The following KHDRBS2 variants were observed in gnomAD, a reference collection of about 807,000 sequenced individuals.
KHDRBS2 encodes KH RNA binding domain containing, signal transduction associated 2, also known as KH domain-containing, RNA-binding, signal transduction-associated protein 2.
A neutral mutation model predicts 44.3 loss-of-function variants in KHDRBS2; 26 were observed. That is an observed-to-expected ratio of 0.59 (90% confidence interval 0.43 to 0.81). KHDRBS2 has a LOEUF of 0.81. Ranked by LOEUF, KHDRBS2 falls within the 40% of genes least tolerant of loss-of-function variation. The pLI, the probability that KHDRBS2 is intolerant of heterozygous loss-of-function variation, is 0.00. For missense variants in KHDRBS2, 476 were observed against 433.1 expected, an observed-to-expected ratio of 1.10 and a Z score of -0.88; for synonymous variants, 194 against 151.1, an observed-to-expected ratio of 1.28 and a Z score of -2.08.
At chr6:61,929,819 A>T (rs1305563625) in intron 4 of KHDRBS2, among the ~76,000 whole-genome samples, 1 of 152,230 alleles carries the variant, frequency 6.6e-6, no homozygotes, top group Admixed American at 6.5e-5. Flanking sequence ...CAAAATTGTT[A>T]GATGAAGTTG....
At chr6:61,632,683 T>C in the KHDRBS2 span, among the ~76,000 whole-genome samples, 4 of 152,126 alleles carry the variant, frequency 2.6e-5, no homozygotes, top group Non-Finnish European at 5.9e-5. Context: ...TGAAGATGGT[T>C]AATTTTCATT....
At chr6:62,085,293 G>A (rs1397541332) in intron 2 of KHDRBS2, among the ~76,000 whole-genome samples, 7 of 152,050 alleles carry the variant, frequency 4.6e-5, no homozygotes, top group African/African-American at 1.4e-4. Flanking sequence ...GGATTGAAAA[G>A]AAGGCATAAA....
the KHDRBS2 span, chr6:61,574,416 G>A: frequency 1.4e-5 from 22 of 1,517,566 alleles, no homozygotes; most frequent in Non-Finnish European, 1.5e-5. Flanking sequence ...AACAAGACGA[G>A]AAGACCATAT....
chr6:62,045,717 T>C (rs1787524675), intron 3 of KHDRBS2, among the ~76,000 whole-genome samples: 1 of 152,036 alleles, frequency 6.6e-6, no homozygotes, highest in South Asian at 2.1e-4. Context: ...ATGTGATGTA[T>C]TTAATAATTA....
At chr6:62,056,320 G>A (rs914308340) in intron 2 of KHDRBS2, among the ~76,000 whole-genome samples, 1 of 151,640 alleles carries the variant, frequency 6.6e-6, no homozygotes, top group African/African-American at 2.4e-5. Flanking sequence ...CACATATAAC[G>A]CTTTACATAA....
chr6:61,726,708 C>T (rs1773628955), intron 7 of KHDRBS2, among the ~76,000 whole-genome samples: 1 of 152,094 alleles, frequency 6.6e-6, no homozygotes, highest in South Asian at 2.1e-4. Flanking sequence ...AGAAGTCCAG[C>T]TAGCAAGGGA....
intron 6 of KHDRBS2, among the ~76,000 whole-genome samples, chr6:61,786,793 C>T (rs866170481): frequency 4.0e-5 from 6 of 151,712 alleles, no homozygotes; most frequent in Middle Eastern, 3.2e-3. Flanking sequence ...GATCTTTTTG[C>T]TGGTTTTCAA....
At chr6:62,080,254 T>C (rs1584566622) in intron 2 of KHDRBS2, among the ~76,000 whole-genome samples, 1 of 152,250 alleles carries the variant, frequency 6.6e-6, no homozygotes. Context: ...TTAAATGGTA[T>C]ATATACATTA....
intron 6 of KHDRBS2, among the ~76,000 whole-genome samples, chr6:61,823,795 T>C (rs1790397623): frequency 6.6e-6 from 1 of 152,108 alleles, no homozygotes. Flanking sequence ...TTTTCAAAAA[T>C]GTGTGGCTAC....
the KHDRBS2 span, among the ~76,000 whole-genome samples, chr6:61,579,723 G>T: frequency 6.6e-6 from 1 of 152,182 alleles, no homozygotes. Context: ...GACATTGGGT[G>T]ATCTTCTATT....
chr6:61,591,085 G>A, the KHDRBS2 span, among the ~76,000 whole-genome samples: 1 of 152,182 alleles, frequency 6.6e-6, no homozygotes, highest in Non-Finnish European at 1.5e-5. Flanking sequence ...GTTGCAGGAT[G>A]AGAATGAAAT....
intron 6 of KHDRBS2, among the ~76,000 whole-genome samples, chr6:61,743,635 TTTA>T (rs1228096035): frequency 2.0e-5 from 3 of 152,114 alleles, no homozygotes; most frequent in South Asian, 4.2e-4. Context: ...TTTTTTTAAT[TTTA>T]TTATTATTAT....
chr6:62,092,350 A>C (rs1218521380), intron 2 of KHDRBS2, among the ~76,000 whole-genome samples: 1 of 152,216 alleles, frequency 6.6e-6, no homozygotes, highest in East Asian at 1.9e-4. Flanking sequence ...ATCTTTATTG[A>C]AATATCTTCA....
intron 6 of KHDRBS2, among the ~76,000 whole-genome samples, chr6:61,884,972 A>T (rs1288823530): frequency 2.0e-5 from 3 of 152,120 alleles, no homozygotes; most frequent in Non-Finnish European, 2.9e-5. Flanking sequence ...AAAAAGATTT[A>T]AAAAATTATG....
chr6:61,831,728 C>T (rs1249272632), intron 6 of KHDRBS2, among the ~76,000 whole-genome samples: 1 of 151,768 alleles, frequency 6.6e-6, no homozygotes, highest in Admixed American at 6.6e-5. Context: ...GGTGAAAATA[C>T]AATTATATTA....
chr6:62,088,516 G>C (rs1380937271), intron 2 of KHDRBS2, among the ~76,000 whole-genome samples: 1 of 152,162 alleles, frequency 6.6e-6, no homozygotes, highest in Non-Finnish European at 1.5e-5. Context: ...CTTTGCCTGG[G>C]TATCACCAGT....
chr6:61,866,061 G>T (rs933546840), intron 6 of KHDRBS2, among the ~76,000 whole-genome samples: 1 of 152,186 alleles, frequency 6.6e-6, no homozygotes, highest in Admixed American at 6.5e-5. Flanking sequence ...CTGGGCTCTG[G>T]AGGATGGTGG....
At chr6:62,220,224 A>G (rs944891720) in intron 1 of KHDRBS2, among the ~76,000 whole-genome samples, 1 of 151,848 alleles carries the variant, frequency 6.6e-6, no homozygotes, top group Non-Finnish European at 1.5e-5. Flanking sequence ...AGACCAATTC[A>G]GTCAAACCAG....
chr6:62,195,319 G>A (rs543261624), intron 1 of KHDRBS2, among the ~76,000 whole-genome samples: 56 of 152,246 alleles, frequency 3.7e-4, no homozygotes, highest in South Asian at 3.1e-3. Flanking sequence ...TTTTGTGTGA[G>A]CACCAAAGGA....
Sources: allele counts gnomAD v4.1 joint callset (sites outside exome capture counted in the v4.1 genomes callset), GRCh38; gene constraint gnomAD v4.1.1; transcripts MANE v1.5; gene names NCBI Gene and HGNC (gene_info 2026-07-23, HGNC 2026-07-21).